Variants in NRXN3 observed in about 807,000 individuals in gnomAD.
The protein encoded by NRXN3 is neurexin 3, also known as neurexin III.
Under a neutral mutation model 137.6 loss-of-function variants are expected in NRXN3, and 32 were observed. That is an observed-to-expected ratio of 0.23 (90% confidence interval 0.18 to 0.31). The LOEUF (loss-of-function observed/expected upper bound fraction) is 0.31, where lower values mean the gene tolerates loss of function less well. NRXN3 is among the 10% of genes least tolerant of loss of function. The pLI is 1.00. For synonymous variants in NRXN3, 798 were observed against 784.5 expected (o/e 1.02, Z -0.29); for missense variants, 1,574 against 2,062.5 (o/e 0.76, Z 4.59).
At chr14:79,614,357 G>A (rs951718543) in intron 16 of NRXN3, among the ~76,000 whole-genome samples, 1 of 150,860 alleles carries the variant, frequency 6.6e-6, no homozygotes, top group East Asian at 1.9e-4. Flanking sequence ...AAGGAAGAGA[G>A]GACATGGCCA....
intron 4 of NRXN3, among the ~76,000 whole-genome samples, chr14:78,401,445 G>A (rs1057219034): frequency 7.9e-5 from 12 of 152,082 alleles, no homozygotes; most frequent in Admixed American, 2.6e-4. Flanking sequence ...GATTACAGGC[G>A]TGAGCCACCA....
intron 16 of NRXN3, among the ~76,000 whole-genome samples, chr14:79,491,422 A>G (rs978824018): frequency 3.3e-5 from 5 of 152,204 alleles, no homozygotes; most frequent in Non-Finnish European, 5.9e-5. Context: ...CAGCTTCTCC[A>G]TTCACATGTC....
At chr14:78,175,525 G>A (rs939840833) in intron 1 of NRXN3, among the ~76,000 whole-genome samples, 5 of 151,014 alleles carry the variant, frequency 3.3e-5, no homozygotes, top group Non-Finnish European at 7.4e-5. Context: ...GCTGTGGTCC[G>A]GTTCCTGCTG....
At chr14:79,227,796 TCCTCCCTTCCTC>T (rs2071301889) in intron 15 of NRXN3, among the ~76,000 whole-genome samples, 1 of 61,440 alleles carries the variant, frequency 1.6e-5, no homozygotes. Flanking sequence ...CCTCCTCCCT[TCCTCCCTTCCTC>T]CCTCCCTTCC....
At chr14:78,754,832 A>G (rs2098660240) in intron 8 of NRXN3, among the ~76,000 whole-genome samples, 1 of 141,926 alleles carries the variant, frequency 7.0e-6, no homozygotes, top group South Asian at 2.2e-4. Flanking sequence ...ATTTCAGTAT[A>G]CACTTTTTTT....
Position 78,926,598 on chromosome 14 carries a change from T to TTATA in NRXN3, c.2276-30631_2276-30628dup, listed in dbSNP as rs558811925. On this transcript the variant is annotated intron_variant, in intron 10 of 20. Coordinates refer to ENST00000335750, the MANE Select transcript of NRXN3 (RefSeq NM_001330195.2). The stretch of plus-strand genomic sequence containing the variant: ...TCTAAAAATAAAATAAAATACAAAA[T>TTATA]TATATATATATATATAATGTATATT... Among the ~76,000 whole-genome samples, 21 of 113,852 alleles carry TTATA rather than the reference T, an allele frequency of 1.8e-4. No homozygotes were observed. The South Asian group carries it at 4.4e-3, about 24-fold the overall frequency. The allele number at this position is 113,852 out of a possible 152,430, so 74.7% of individuals were successfully genotyped here. A position where few individuals can be genotyped will look rare whatever the true frequency, so the allele number is the denominator to read the frequency against.
chr14:78,539,016 A>C lies in NRXN3; in HGVS notation c.758-106104A>C, dbSNP rs962758874. Among the ~76,000 whole-genome samples the C allele has an allele frequency of 1.3e-4, 20 of 152,164 alleles. 1 individual carries two copies. Among genetic ancestry groups the C allele is most frequent in the African/African-American group, 4.6e-4 (19 of 41,542 alleles). On this transcript the variant is annotated intron_variant, in intron 4 of 20. Coordinates refer to ENST00000335750, the MANE Select transcript of NRXN3 (RefSeq NM_001330195.2). ...TGATGTGCTGCTGGATTCAGTTCGA[A>C]AGTATTTTATTGAGGATTTTTGCAT...
In NRXN3 at chr14:78,839,406, A is replaced by G. The variant is rs188199746; in HGVS notation, c.2275+29062A>G. On this transcript the variant is annotated intron_variant, in intron 10 of 20. Transcript: ENST00000335750. Reference sequence around the variant, plus strand: ...GTCGTGATAAGGATTTTGCTTTTTTATCTTAAAAGCAATGGAGCTCATGTA... The same window carrying G: ...GTCGTGATAAGGATTTTGCTTTTTTGTCTTAAAAGCAATGGAGCTCATGTA... Among the ~76,000 whole-genome samples the G allele has an allele frequency of 9.5e-4, 144 of 152,264 alleles. 1 individual carries two copies. The highest frequency in any genetic ancestry group is 1.6e-3 in the Non-Finnish European group (109 of 68,000).
At chr14:78,548,151 A>G (rs1206988823) in intron 4 of NRXN3, among the ~76,000 whole-genome samples, 1 of 152,242 alleles carries the variant, frequency 6.6e-6, no homozygotes, top group Non-Finnish European at 1.5e-5. Context: ...AAATATCAGA[A>G]GAGGTAAAAC....
At chr14:79,317,452 T>C (rs965983553) in intron 15 of NRXN3, among the ~76,000 whole-genome samples, 1 of 152,210 alleles carries the variant, frequency 6.6e-6, no homozygotes, top group African/African-American at 2.4e-5. Flanking sequence ...GCAAGTCATA[T>C]TGGATGACTT....
At chr14:79,329,525 G>A (rs1391225702) in intron 15 of NRXN3, among the ~76,000 whole-genome samples, 1 of 152,164 alleles carries the variant, frequency 6.6e-6, no homozygotes, top group Non-Finnish European at 1.5e-5. Context: ...GTATTTAGCT[G>A]TTGTACCATG....
intron 1 of NRXN3, among the ~76,000 whole-genome samples, chr14:78,181,707 T>C (rs933630410): frequency 3.5e-4 from 53 of 152,146 alleles, no homozygotes; most frequent in African/African-American, 1.2e-3. Flanking sequence ...GCAGCAACCA[T>C]CCTGAGTCTT....
chr14:78,427,992 A>G (rs72681541), intron 4 of NRXN3, among the ~76,000 whole-genome samples: 45,214 of 152,098 alleles, frequency 0.3, 8,270 homozygotes, highest in Non-Finnish European at 0.4. Context: ...GCTGAGTTCA[A>G]ACATCACATT....
At chr14:79,218,258 C>T (rs867640371) in intron 15 of NRXN3, among the ~76,000 whole-genome samples, 1 of 152,114 alleles carries the variant, frequency 6.6e-6, no homozygotes, top group Admixed American at 6.6e-5. Context: ...TGGACAGATC[C>T]ACTATGAATT....
chr14:78,581,191 C>T (rs1159011928), intron 4 of NRXN3, among the ~76,000 whole-genome samples: 3 of 152,236 alleles, frequency 2.0e-5, no homozygotes, highest in Non-Finnish European at 4.4e-5. Flanking sequence ...CTAACACTAA[C>T]TTGTTGTAAC....
rs2141568809 is a variant in NRXN3 at position 79,845,597 on chromosome 14, AGAG to A, written c.4094-15744_4094-15742del. ...GACCGACCCAGAGAGACAGAGAGAGAGAGAGACAGAGAGAGAGACGGAGACGGG... is the reference window on the plus strand; with the variant it reads ...GACCGACCCAGAGAGACAGAGAGAGAAGACAGAGAGAGAGACGGAGACGGG... On this transcript the variant is annotated intron_variant, in intron 20 of 20. Transcript: ENST00000335750. Among the ~76,000 whole-genome samples the A allele has an allele frequency of 1.3e-5, 2 of 151,336 alleles. 1 individual carries two copies. The highest frequency in any genetic ancestry group is 4.8e-5 in the African/African-American group (2 of 41,314).
chr14:79,132,362 G>A (rs192781262), intron 15 of NRXN3, among the ~76,000 whole-genome samples: 2 of 152,304 alleles, frequency 1.3e-5, no homozygotes, highest in Non-Finnish European at 2.9e-5. Context: ...TCAGAATTGA[G>A]ATGTGCTGTA....
chr14:78,919,006 C>G (rs1159517146), intron 10 of NRXN3, among the ~76,000 whole-genome samples: 3 of 152,036 alleles, frequency 2.0e-5, no homozygotes. Flanking sequence ...TGATTTCCAC[C>G]AAGAGAAAGC....
At chr14:79,043,207 T>G (rs1452851183) in intron 15 of NRXN3, among the ~76,000 whole-genome samples, 1 of 152,226 alleles carries the variant, frequency 6.6e-6, no homozygotes, top group Non-Finnish European at 1.5e-5. Context: ...GTACAATTTA[T>G]TGCCCTATGG....
Sources: gnomAD v4.1 joint callset for allele counts (sites outside exome capture counted in the v4.1 genomes callset) on GRCh38, gnomAD v4.1.1 for gene constraint, MANE v1.5 for transcripts, NCBI Gene and HGNC (gene_info 2026-07-23, HGNC 2026-07-21) for gene names.